The following UGGT2 variants were observed in gnomAD, a reference collection of about 807,000 sequenced individuals.
UGGT2 encodes the protein UDP-glucose:glycoprotein glucosyltransferase 2.
A neutral mutation model predicts 192.1 loss-of-function variants in UGGT2; 180 were observed. That is an observed-to-expected ratio of 0.94 (90% confidence interval 0.83 to 1.06). The LOEUF is 1.06. UGGT2 is among the 50% of genes least tolerant of loss of function. UGGT2 has a pLI of 0.00. For synonymous variants in UGGT2, 580 were observed against 591.0 expected, an observed-to-expected ratio of 0.98 and a Z score of 0.27; for missense variants, 1,849 against 1,795.7, an observed-to-expected ratio of 1.03 and a Z score of -0.54.
intron 31 of UGGT2, among the ~76,000 whole-genome samples, chr13:95,862,628 A>G (rs1016718961): frequency 6.6e-6 from 1 of 152,140 alleles, no homozygotes; most frequent in Non-Finnish European, 1.5e-5. Context: ...ACACACAGCT[A>G]TAGTTGGACC....
rs1441781065 is a variant in UGGT2 at position 96,033,135 on chromosome 13, A to G, written c.159-1164T>C. On this transcript the variant is annotated intron_variant, in intron 1 of 38. Transcript: ENST00000376747. ...GAACTACAAATCGCTGCTCAAGGAG[A>G]TCAGAGAGGACACAAATGGAAAAAC... Among the ~76,000 whole-genome samples, 4 of 152,214 alleles carry G rather than the reference A, an allele frequency of 2.6e-5. No homozygotes were observed. The East Asian group carries it at 7.7e-4, about 29-fold the overall frequency.
At chr13:95,976,811 T>C (rs1236584497) in intron 10 of UGGT2, among the ~76,000 whole-genome samples, 1 of 152,110 alleles carries the variant, frequency 6.6e-6, no homozygotes, top group Non-Finnish European at 1.5e-5. Context: ...ACTACAAGGC[T>C]ACAGTAACTA....
chr13:95,979,801 A>C (rs1232228171), intron 10 of UGGT2, among the ~76,000 whole-genome samples: 1 of 151,620 alleles, frequency 6.6e-6, no homozygotes, highest in Non-Finnish European at 1.5e-5. Context: ...AATCAGCAAG[A>C]AAAAAAAATC....
chr13:95,944,891 T>C (rs1314289979), intron 15 of UGGT2, among the ~76,000 whole-genome samples: 2 of 152,022 alleles, frequency 1.3e-5, no homozygotes, highest in Non-Finnish European at 2.9e-5. Context: ...TTAAAAAATG[T>C]TGAAATAACC....
intron 1 of UGGT2, among the ~76,000 whole-genome samples, chr13:96,052,940 G>C (rs921725888): frequency 6.6e-6 from 1 of 152,256 alleles, no homozygotes; most frequent in Non-Finnish European, 1.5e-5. Flanking sequence ...GGTAAAGTAA[G>C]ACTGAGGGGG....
At chr13:95,828,907 G>A (rs1886346104) in intron 38 of UGGT2, among the ~76,000 whole-genome samples, 1 of 152,098 alleles carries the variant, frequency 6.6e-6, no homozygotes, top group South Asian at 2.1e-4. Context: ...GAACATCAAT[G>A]CAAAAATCTT....
chr13:95,867,224 T>C, intron 30 of UGGT2, 115 bp downstream of exon 30: 1 of 923,946 alleles, frequency 1.1e-6, no homozygotes, highest in Non-Finnish European at 1.6e-6. Context: ...AAATATAACA[T>C]TTTAGGTTGT....
intron 24 of UGGT2, among the ~76,000 whole-genome samples, chr13:95,894,239 A>G (rs1221639577): frequency 6.6e-6 from 1 of 152,194 alleles, no homozygotes; most frequent in Non-Finnish European, 1.5e-5. Context: ...CATTGAAAAT[A>G]TAAAGATAAT....
intron 30 of UGGT2, among the ~76,000 whole-genome samples, chr13:95,865,228 G>A (rs1890546026): frequency 6.6e-6 from 1 of 152,170 alleles, no homozygotes; most frequent in Non-Finnish European, 1.5e-5. Context: ...CCTCTTAATA[G>A]GCTATTGGAT....
At position 95,940,047 on chromosome 13, in the gene UGGT2, G is replaced by A; in HGVS notation, c.1722C>T (p.Asp574=). Residue 574 remains aspartate, a synonymous_variant, in exon 16 of 39, where the codon GAC becomes GAT. Transcript: ENST00000376747. Reference sequence around the variant, plus strand: ...TATTTTGGAGAACACTCTTCACATTGTCCACAGTGAGTATATTTTGATCCT... The same window carrying A: ...TATTTTGGAGAACACTCTTCACATTATCCACAGTGAGTATATTTTGATCCT... The part of the protein sequence containing the change: ...VKKDQNILTV[D]NVKSVLQNTF... 6.3e-7 allele frequency: 1 copy of A among 1,577,092 alleles called. No homozygotes were observed. The highest frequency in any genetic ancestry group is 1.2e-5 in the South Asian group (1 of 86,038).
intron 20 of UGGT2, among the ~76,000 whole-genome samples, chr13:95,916,208 T>C (rs141747528): frequency 1.7e-4 from 26 of 152,302 alleles, no homozygotes; most frequent in Middle Eastern, 3.4e-3. Flanking sequence ...CTGGCTGCCA[T>C]CTTTGTTGTT....
intron 36 of UGGT2, among the ~76,000 whole-genome samples, chr13:95,846,345 G>T (rs541286873): frequency 3.0e-4 from 45 of 152,070 alleles, no homozygotes; most frequent in African/African-American, 1.1e-3. Context: ...GAATCACGCA[G>T]GGAAGTTGCA....
At chr13:95,852,601 C>A (rs985362082) in intron 36 of UGGT2, among the ~76,000 whole-genome samples, 7 of 152,102 alleles carry the variant, frequency 4.6e-5, no homozygotes, top group African/African-American at 1.7e-4. Flanking sequence ...GAATATCTGG[C>A]ACATAGCAGG....
At chr13:95,926,326 A>G (rs979934814) in intron 19 of UGGT2, among the ~76,000 whole-genome samples, 2 of 152,104 alleles carry the variant, frequency 1.3e-5, no homozygotes, top group Non-Finnish European at 2.9e-5. Context: ...TCTCTCTCCT[A>G]TATAAAAGTT....
chr13:95,991,293 T>C lies in UGGT2; in HGVS notation c.831-1220A>G, dbSNP rs1285395306. 2.9e-5 allele frequency: 8 copies of C among 277,630 alleles called. No homozygotes were observed. In the Admixed American group the frequency reaches 3.4e-4, roughly 12 times the overall value. The allele number at this position is 277,630 out of a possible 1,614,324, so 17.2% of individuals were successfully genotyped here. A position where few individuals can be genotyped will look rare whatever the true frequency, so the allele number is the denominator to read the frequency against. Reference sequence around the variant, plus strand: ...TTTCTGGTTCTAGATCCTTGAGGAATTGCCACACTGTCTTCCACAACGGTT... The same window carrying C: ...TTTCTGGTTCTAGATCCTTGAGGAACTGCCACACTGTCTTCCACAACGGTT... On this transcript the variant is annotated intron_variant, in intron 7 of 38. Transcript: ENST00000376747.
rs763997632 is a variant in UGGT2, at chr13:95,801,816, T to C, written c.4529-4A>G. 1 of 1,613,798 alleles carries C rather than the reference T, an allele frequency of 6.2e-7. No homozygotes were observed. Among genetic ancestry groups the C allele is most frequent in the Non-Finnish European group, 8.5e-7 (1 of 1,179,802 alleles). On this transcript the variant is annotated splice_polypyrimidine_tract_variant and splice_region_variant and intron_variant, in intron 38 of 38. Coordinates refer to ENST00000376747, the MANE Select transcript of UGGT2 (RefSeq NM_020121.4). ...TAGAGTTCATCATGTGTCAAAACTA[T>C]AAGGGAGAAAAGTTTATTTAGCTTC... is the stretch of plus-strand genomic sequence containing the variant.
At position 95,948,065 on chromosome 13, in the gene UGGT2, G is replaced by T; in HGVS notation, c.1472C>A (p.Pro491Gln). The change falls in exon 14 of 39, where the codon CCG becomes CAG. Residue 491 changes from proline to glutamine, a missense_variant. Coordinates refer to ENST00000376747, the MANE Select transcript of UGGT2 (RefSeq NM_020121.4). ...AAAATCCAAGGTATATTCTTGGGCC[G>T]GATCAATAAACAGAACCTAAAAGAA... ...NFHNLVLFID[P>Q]AQEYTLDFIK... 4 of 1,612,118 alleles carry T rather than the reference G, an allele frequency of 2.5e-6. No individual in the cohort carries two copies. Among genetic ancestry groups the T allele is most frequent in the Non-Finnish European group, 3.4e-6 (4 of 1,179,108 alleles).
chr13:95,965,055 C>A (rs1228981664), intron 12 of UGGT2, among the ~76,000 whole-genome samples: 1 of 150,702 alleles, frequency 6.6e-6, no homozygotes, highest in Non-Finnish European at 1.5e-5. Flanking sequence ...CATCTCACAC[C>A]AGTTAGAATG....
intron 38 of UGGT2, among the ~76,000 whole-genome samples, chr13:95,810,872 T>C (rs1308897837): frequency 6.6e-6 from 1 of 152,188 alleles, no homozygotes; most frequent in African/African-American, 2.4e-5. Context: ...GGTAAGGTAC[T>C]TGTATGTAAA....
Sources: gnomAD v4.1 joint callset for allele counts (sites outside exome capture counted in the v4.1 genomes callset) on GRCh38, gnomAD v4.1.1 for gene constraint, MANE v1.5 for transcripts, NCBI Gene and HGNC (gene_info 2026-07-23, HGNC 2026-07-21) for gene names.